CC2D1B: variants seen among roughly 807,000 people sequenced by gnomAD.
CC2D1B encodes the protein coiled-coil and C2 domain containing 1B.
A neutral mutation model predicts 110.8 loss-of-function variants in CC2D1B; 92 were observed. The observed-to-expected ratio is 0.83, with a 90% CI of 0.70 to 0.99. The LOEUF is 0.99. Among genes scored for constraint, CC2D1B ranks in the 50% least tolerant of loss-of-function variants. The pLI is 0.00. For synonymous variants in CC2D1B, 406 were observed against 429.2 expected (o/e 0.95, Z 0.67); for missense variants, 1,136 against 1,089.0 (o/e 1.04, Z -0.61).
At chr1:52,360,935 G>A in intron 5 of CC2D1B, 39 bp downstream of exon 5, 2 of 1,611,336 alleles carry the variant, frequency 1.2e-6, no homozygotes, top group South Asian at 2.2e-5. Flanking sequence ...TGGGCGCACA[G>A]GAGCATCAGA....
intron 16 of CC2D1B, 26 bp from the exon 17 acceptor site, chr1:52,356,468 C>A: frequency 1.2e-6 from 2 of 1,613,884 alleles, no homozygotes; most frequent in Non-Finnish European, 1.7e-6. Context: ...CAGAGTGACT[C>A]CCGAGCCCAG....
At chr1:52,354,403 C>T (rs1332374044) in intron 23 of CC2D1B, 1 of 701,236 alleles carries the variant, frequency 1.4e-6, no homozygotes, top group Non-Finnish European at 2.6e-6. Flanking sequence ...AAGGAGGCTG[C>T]CTTCTCCTGG....
At chr1:52,354,758 C>T (rs1286546650) in intron 22 of CC2D1B, 60 bp from the exon 23 acceptor site, 7 of 1,602,338 alleles carry the variant, frequency 4.4e-6, no homozygotes, top group Admixed American at 1.7e-5. Context: ...AATGTGCTGG[C>T]TGAGCCCATG....
In CC2D1B at chr1:52,359,813, G is replaced by A; in HGVS notation, c.834C>T (p.Asp278=). The change falls in exon 8 of 25, where the codon GAC becomes GAT. Residue 278 remains aspartate, a synonymous_variant. Coordinates refer to ENST00000284376, the MANE Select transcript of CC2D1B (RefSeq NM_001330585.2). ...GTCGGGATGACAGCAGGGCCCGCGG[G>A]TCTGGGTCTAAGTCTGAAACGGGCT... The part of the protein sequence containing the change: ...SAQPVSDLDP[D]PRALLSSRQR... The A allele has an allele frequency of 3.1e-6, 5 of 1,611,894 alleles. No individual in the cohort carries two copies. The highest frequency in any genetic ancestry group is 3.4e-6 in the Non-Finnish European group (4 of 1,179,040).
Position 52,357,061 on chromosome 1 carries a change from G to A in CC2D1B, c.1818C>T (p.Leu606=). 1 of 1,608,242 alleles carries A rather than the reference G, an allele frequency of 6.2e-7. No homozygotes were observed. The highest frequency in any genetic ancestry group is 1.1e-5 in the South Asian group (1 of 89,998). The change falls in exon 16 of 25, where the codon CTC becomes CTT. Residue 606 remains leucine (L), a synonymous_variant. Transcript: ENST00000284376. ...CATACACCTCCTCCGCCTTCTGGGA[G>A]AGTCGCAGGTCCTCATGGTGGATGA... The part of the protein sequence containing the change: ...FILIHHEDLR[L]SQKAEEVYAQ...
Position 52,354,660 on chromosome 1 carries a change from T to A in CC2D1B, c.2378A>T (p.His793Leu), listed in dbSNP as rs747529075. 2.5e-6 allele frequency: 4 copies of A among 1,614,204 alleles called. 1 individual carries two copies. The Admixed American group carries it at 6.7e-5, about 27-fold the overall frequency. Residue 793 changes from histidine to leucine, a missense_variant, in exon 23 of 25, where the codon CAC becomes CTC. Transcript: ENST00000284376. ...ATTCTCCAGCCGCTCCAGTTTCAGG[T>A]GTGCTGTGCCAACCAGCTTGTCGCT... ...FRSDKLVGTAHLKLERLENEC... is the reference protein window; with the variant it reads ...FRSDKLVGTALLKLERLENEC...
chr1:52,356,556 C>T (rs1646657304), intron 16 of CC2D1B, 114 bp from the exon 17 acceptor site: 4 of 1,090,324 alleles, frequency 3.7e-6, no homozygotes, highest in East Asian at 2.4e-5. Context: ...CACCTCTCTC[C>T]TCCCACAACA....
rs1209147070 is a variant in CC2D1B, at chr1:52,357,027, G to A, written c.1852C>T (p.Gln618Ter). ...TCTTGTTGCTCCAGAAGCATTTTTT[G>A]CAGCTGGGCATACACCTCCTCCGCC... ...QKAEEVYAQLQKMLLEQQEKC... is the reference protein window; with the variant it reads ...QKAEEVYAQL The change falls in exon 16 of 25, where the codon CAA becomes TAA. Residue 618 changes from glutamine to a stop codon, truncating the protein, a stop_gained. Coordinates refer to ENST00000284376, the MANE Select transcript of CC2D1B (RefSeq NM_001330585.2). LOFTEE classifies it high-confidence loss of function. The A allele has an allele frequency of 2.5e-6, 4 of 1,569,302 alleles. No homozygotes were observed. Among genetic ancestry groups the A allele is most frequent in the South Asian group, 1.2e-5 (1 of 85,694 alleles).
intron 1 of CC2D1B, among the ~76,000 whole-genome samples, chr1:52,365,126 A>G (rs948922757): frequency 6.6e-6 from 1 of 152,264 alleles, no homozygotes; most frequent in African/African-American, 2.4e-5. Context: ...ATGTCATCAA[A>G]GTTCCATCTC....
rs749805167 is a variant in CC2D1B at position 52,355,644 on chromosome 1, A to G, written c.2151T>C (p.Asp717=). 9 of 1,614,106 alleles carry G rather than the reference A, an allele frequency of 5.6e-6. No individual in the cohort carries two copies. Among genetic ancestry groups the G allele is most frequent in the Admixed American group, 5.0e-5 (3 of 60,010 alleles). The change falls in exon 20 of 25, where the codon GAT becomes GAC. Residue 717 remains aspartate, a synonymous_variant. Coordinates refer to ENST00000284376, the MANE Select transcript of CC2D1B (RefSeq NM_001330585.2). ...APPGVTPDDL[D]AFVRFEFHYP... is the part of the protein sequence containing the mutation. The stretch of plus-strand genomic sequence containing the variant: ...AGTGAAACTCAAACCGCACAAAAGC[A>G]TCCAGGTCATCGGGAGTCACCCCTG...
rs139316013 is a variant in CC2D1B, at chr1:52,359,303, G to A, written c.1073C>T (p.Pro358Leu). 1 of 1,613,382 alleles carries A rather than the reference G, an allele frequency of 6.2e-7. No homozygotes were observed. Among genetic ancestry groups the A allele is most frequent in the African/African-American group, 1.3e-5 (1 of 75,080 alleles). ...QAPTAPSVIPPAVERVQPVMA... is the reference protein window; with the variant it reads ...QAPTAPSVIPLAVERVQPVMA... ...CACTGGCTGCACTCGCTCCACGGCT[G>A]GGGGAATGACTGAGGGTGCTGTGGG... The change falls in exon 10 of 25, where the codon CCA becomes CTA. Residue 358 changes from proline (P) to leucine (L), a missense_variant. Physicochemically the swap from Pro to Leu is moderately conservative, Grantham distance 98. Transcript: ENST00000284376.
Position 52,355,984 on chromosome 1 carries a change from C to T in CC2D1B, c.2055-140G>A, listed in dbSNP as rs577480889. The T allele has an allele frequency of 1.7e-5, 16 of 966,860 alleles. No homozygotes were observed. The African/African-American group carries it at 2.2e-4, about 14-fold the overall frequency. 59.9% of individuals were successfully genotyped at this position (966,860 alleles called of 1,614,324 possible). A position where few individuals can be genotyped will look rare whatever the true frequency, so the allele number is the denominator to read the frequency against. ...CTGGTATGCAGACCTTGATCTCTGA[C>T]TTCTGGTCCAGAGCTCTTTCCACAG... On this transcript the variant is annotated intron_variant, in intron 18 of 24. Coordinates refer to ENST00000284376, the MANE Select transcript of CC2D1B (RefSeq NM_001330585.2).
At chr1:52,363,464 C>G (rs1646826339) in intron 2 of CC2D1B, among the ~76,000 whole-genome samples, 2 of 151,676 alleles carry the variant, frequency 1.3e-5, no homozygotes, top group Non-Finnish European at 2.9e-5. Flanking sequence ...ATGAAATTTA[C>G]CATCTTAACC....
rs1043043457 is a variant in CC2D1B, at chr1:52,359,806, C to T, written c.841G>A (p.Ala281Thr). 5 of 1,611,446 alleles carry T rather than the reference C, an allele frequency of 3.1e-6. No individual in the cohort carries two copies. The highest frequency in any genetic ancestry group is 4.2e-6 in the Non-Finnish European group (5 of 1,178,938). ...TCTCTCTGTCGGGATGACAGCAGGG[C>T]CCGCGGGTCTGGGTCTAAGTCTGAA... is the stretch of plus-strand genomic sequence containing the variant. ...PVSDLDPDPR[A>T]LLSSRQREYK... is the part of the protein sequence containing the mutation. Residue 281 changes from alanine to threonine, a missense_variant, in exon 8 of 25, where the codon GCC becomes ACC. Transcript: ENST00000284376.
At chr1:52,359,951 C>T in intron 7 of CC2D1B, 68 bp from the exon 8 acceptor site, 1 of 1,565,164 alleles carries the variant, frequency 6.4e-7, no homozygotes, top group Non-Finnish European at 8.7e-7. Context: ...ACGGACTTCA[C>T]TGGCTTGAGG....
At chr1:52,365,703 G>GA (rs997283676) in intron 1 of CC2D1B, among the ~76,000 whole-genome samples, 1 of 152,260 alleles carries the variant, frequency 6.6e-6, no homozygotes, top group Non-Finnish European at 1.5e-5. Context: ...GAGGTGCACA[G>GA]AAGGTAGGGG....
chr1:52,356,865 C>CTACAT, intron 16 of CC2D1B, 136 bp downstream of exon 16: 1 of 1,055,252 alleles, frequency 9.5e-7, no homozygotes, highest in Non-Finnish European at 1.3e-6. Context: ...AAGAAAGTGC[C>CTACAT]TTGCCCAAGT....
rs1361148581 is a variant in CC2D1B at position 52,360,489 on chromosome 1, C to A, written c.538G>T (p.Ala180Ser). 1 of 1,613,994 alleles carries A rather than the reference C, an allele frequency of 6.2e-7. No homozygotes were observed. Among genetic ancestry groups the A allele is most frequent in the Admixed American group, 1.7e-5 (1 of 60,010 alleles). ...CCTGCCTCCTTGGCACTGGCCGCAG[C>A]CTCTCGGTAGTTGTGAATCCGTTCC... Reference protein sequence around the residue: ...LEERIHNYREAAASAKEAGEA... With the variant: ...LEERIHNYRESAASAKEAGEA... The change falls in exon 6 of 25, where the codon GCT becomes TCT. Residue 180 changes from alanine to serine, a missense_variant. Ala to Ser is a moderately conservative substitution (Grantham distance 99). Coordinates refer to ENST00000284376, the MANE Select transcript of CC2D1B (RefSeq NM_001330585.2).
chr1:52,360,707 CCAGAGGCCATGG>C, intron 5 of CC2D1B, 158 bp from the exon 6 acceptor site: 1 of 1,166,258 alleles, frequency 8.6e-7, no homozygotes, highest in South Asian at 1.6e-5. Flanking sequence ...ACTGGAGAGG[CCAGAGGCCATGG>C]CAGAGGCAAA....
Sources: allele counts gnomAD v4.1 joint callset (sites outside exome capture counted in the v4.1 genomes callset), GRCh38; gene constraint gnomAD v4.1.1; transcripts MANE v1.5; gene names NCBI Gene and HGNC (gene_info 2026-07-23, HGNC 2026-07-21).